The following SLC25A21 variants were observed in gnomAD, a reference collection of about 807,000 sequenced individuals.
The protein encoded by SLC25A21 is mitochondrial 2-oxodicarboxylate carrier.
Under a neutral mutation model 43.8 loss-of-function variants are expected in SLC25A21, and 47 were observed. The observed-to-expected ratio is 1.07, with a 90% confidence interval of 0.85 to 1.37. The LOEUF (loss-of-function observed/expected upper bound fraction) is 1.37, where lower values mean the gene tolerates loss of function less well. Ranked by LOEUF, SLC25A21 falls within the 40% of genes most tolerant of loss-of-function variation. SLC25A21 has a pLI of 0.00. For missense variants in SLC25A21, 352 were observed against 350.2 expected (o/e 1.00, Z -0.04); for synonymous variants, 131 against 121.3 (o/e 1.08, Z -0.52).
chr14:37,042,599 T>TA (rs1961497700), intron 1 of SLC25A21, among the ~76,000 whole-genome samples: 1 of 152,196 alleles, frequency 6.6e-6, no homozygotes, highest in Admixed American at 6.5e-5. Context: ...GAAGATAAAT[T>TA]ACAAAGGTAT....
At chr14:37,092,521 A>T (rs1024658344) in intron 1 of SLC25A21, among the ~76,000 whole-genome samples, 1 of 152,108 alleles carries the variant, frequency 6.6e-6, no homozygotes, top group East Asian at 1.9e-4. Context: ...TTTTAAGCCA[A>T]TTAGTGTATG....
At chr14:36,721,820 T>A (rs767122187) in intron 6 of SLC25A21, among the ~76,000 whole-genome samples, 6 of 152,250 alleles carry the variant, frequency 3.9e-5, no homozygotes, top group Non-Finnish European at 7.3e-5. Context: ...AGCATTTCCT[T>A]TGGATAACAT....
intron 2 of SLC25A21, among the ~76,000 whole-genome samples, chr14:36,856,046 T>C (rs756148137): frequency 9.9e-5 from 15 of 152,204 alleles, no homozygotes; most frequent in South Asian, 2.1e-4. Flanking sequence ...AAAGTGTCAA[T>C]AGAGTCGAGG....
At chr14:36,792,425 T>G (rs1327764007) in intron 3 of SLC25A21, among the ~76,000 whole-genome samples, 1 of 152,158 alleles carries the variant, frequency 6.6e-6, no homozygotes, top group African/African-American at 2.4e-5. Context: ...TTCCTGTTAA[T>G]GGGAGGCAGA....
chr14:37,112,348 A>G (rs1963035009), intron 1 of SLC25A21, among the ~76,000 whole-genome samples: 1 of 152,204 alleles, frequency 6.6e-6, no homozygotes. Flanking sequence ...AAGAAGGGAG[A>G]AGAGGCAATA....
At chr14:37,062,456 T>C (rs1443610925) in intron 1 of SLC25A21, among the ~76,000 whole-genome samples, 3 of 150,556 alleles carry the variant, frequency 2.0e-5, no homozygotes, top group Non-Finnish European at 4.4e-5. Flanking sequence ...ATTCGCAAAA[T>C]AATTTTTTTT....
intron 1 of SLC25A21, among the ~76,000 whole-genome samples, chr14:37,003,084 G>A (rs925840617): frequency 1.3e-5 from 2 of 152,048 alleles, no homozygotes; most frequent in Admixed American, 6.6e-5. Flanking sequence ...CTGAAACCAC[G>A]GAAAATACCA....
intron 1 of SLC25A21, among the ~76,000 whole-genome samples, 162 bp from the exon 2 acceptor site, chr14:36,875,166 A>G (rs1002300458): frequency 6.6e-6 from 1 of 152,218 alleles, no homozygotes; most frequent in African/African-American, 2.4e-5. Flanking sequence ...CAGAAGCATA[A>G]TATGATTTTA....
At chr14:36,740,968 T>A (rs1207032423) in intron 3 of SLC25A21, among the ~76,000 whole-genome samples, 1 of 152,160 alleles carries the variant, frequency 6.6e-6, no homozygotes, top group Non-Finnish European at 1.5e-5. Flanking sequence ...GTTCCTTGCT[T>A]TAAGTTAGCT....
intron 1 of SLC25A21, among the ~76,000 whole-genome samples, chr14:36,927,363 C>T (rs1892160518): frequency 6.6e-6 from 1 of 152,128 alleles, no homozygotes; most frequent in African/African-American, 2.4e-5. Flanking sequence ...TTCAATAAAC[C>T]TTTAACTGTT....
intron 2 of SLC25A21, among the ~76,000 whole-genome samples, chr14:36,858,069 G>C (rs553997063): frequency 6.6e-6 from 1 of 152,252 alleles, no homozygotes; most frequent in East Asian, 1.9e-4. Context: ...TTGACACCTG[G>C]CAAAAATCAA....
intron 1 of SLC25A21, among the ~76,000 whole-genome samples, chr14:36,889,748 C>T (rs1435282105): frequency 6.6e-6 from 1 of 152,070 alleles, no homozygotes; most frequent in Non-Finnish European, 1.5e-5. Flanking sequence ...ACCTCAGCCT[C>T]CCAAAGTGCT....
chr14:37,156,414 A>G (rs1011360586), intron 1 of SLC25A21, among the ~76,000 whole-genome samples: 32 of 152,124 alleles, frequency 2.1e-4, no homozygotes, highest in Non-Finnish European at 4.4e-4. Context: ...AAAGCCTCAC[A>G]TATCAATAAT....
intron 1 of SLC25A21, among the ~76,000 whole-genome samples, chr14:37,090,541 G>T (rs961887117): frequency 6.6e-6 from 1 of 152,188 alleles, no homozygotes; most frequent in Non-Finnish European, 1.5e-5. Context: ...TGAGGCTAGT[G>T]CTACTTAGCT....
chr14:36,779,609 CATATATATATATATATATATATATAT>C (rs35392668), intron 3 of SLC25A21, among the ~76,000 whole-genome samples: 16 of 122,484 alleles, frequency 1.3e-4, no homozygotes, highest in Non-Finnish European at 2.8e-4. Flanking sequence ...TATGTGTATA[CATATATATATATATATATATATATAT>C]ATATATATGT....
At chr14:36,921,676 A>G (rs8006407) in intron 1 of SLC25A21, among the ~76,000 whole-genome samples, 5,168 of 152,224 alleles carry the variant, frequency 0.034, 115 homozygotes, top group East Asian at 0.059. Context: ...ATCCTTGCTG[A>G]GGAGAAAGTT....
At chr14:37,106,123 A>T (rs1458921218) in intron 1 of SLC25A21, among the ~76,000 whole-genome samples, 2 of 152,136 alleles carry the variant, frequency 1.3e-5, no homozygotes, top group Non-Finnish European at 2.9e-5. Flanking sequence ...GTACAAATTG[A>T]TTGTAAAATG....
At chr14:36,807,517 C>T (rs1229535473) in intron 3 of SLC25A21, among the ~76,000 whole-genome samples, 1 of 152,122 alleles carries the variant, frequency 6.6e-6, no homozygotes, top group East Asian at 1.9e-4. Context: ...ACCAATATCC[C>T]CCCACCCACA....
intron 1 of SLC25A21, among the ~76,000 whole-genome samples, chr14:37,000,489 T>C (rs1426052455): frequency 6.6e-6 from 1 of 152,162 alleles, no homozygotes; most frequent in African/African-American, 2.4e-5. Context: ...AGTGGCCTCC[T>C]TGCTGTCCTC....
Sources: gnomAD v4.1 joint callset for allele counts (sites outside exome capture counted in the v4.1 genomes callset) on GRCh38, gnomAD v4.1.1 for gene constraint, MANE v1.5 for transcripts, NCBI Gene and HGNC (gene_info 2026-07-23, HGNC 2026-07-21) for gene names.